The following DISP1 variants were observed in gnomAD, a reference collection of about 807,000 sequenced individuals.
The protein encoded by DISP1 is dispatched RND transporter family member 1.
In DISP1, 30 loss-of-function variants were observed where a neutral mutation model predicts 37.3. The observed-to-expected ratio is 0.80, with a 90% confidence interval of 0.60 to 1.09. The LOEUF (loss-of-function observed/expected upper bound fraction) is 1.09, where lower values mean the gene tolerates loss of function less well. Among genes scored for constraint, DISP1 ranks in the 50% least tolerant of loss-of-function variants. The probability of loss-of-function intolerance (pLI) is 0.00; values close to 1 mark genes in which losing one functional copy is unlikely to be tolerated. For synonymous variants in DISP1, 634 were observed against 690.2 expected (o/e 0.92, Z 1.28); for missense variants, 1,598 against 1,879.5 (o/e 0.85, Z 2.77).
At chr1:222,954,088 A>T (rs888553579) in intron 3 of DISP1, among the ~76,000 whole-genome samples, 3 of 141,616 alleles carry the variant, frequency 2.1e-5, no homozygotes, top group African/African-American at 8.4e-5. Context: ...CTTTTTGGTT[A>T]AAAAAAAAAT....
chr1:222,996,796 C>T (rs985369853), intron 8 of DISP1, among the ~76,000 whole-genome samples: 2 of 152,128 alleles, frequency 1.3e-5, no homozygotes, highest in African/African-American at 4.8e-5. Context: ...CTGCTTTATG[C>T]TTCTAGTGAG....
At chr1:222,956,006 G>T (rs1261565250) in intron 3 of DISP1, among the ~76,000 whole-genome samples, 1 of 152,212 alleles carries the variant, frequency 6.6e-6, no homozygotes, top group South Asian at 2.1e-4. Context: ...CAAGCCTAAT[G>T]CTTTCTACAG....
chr1:222,859,025 T>C (rs560770584), intron 1 of DISP1, among the ~76,000 whole-genome samples: 1 of 152,342 alleles, frequency 6.6e-6, no homozygotes, highest in East Asian at 1.9e-4. Context: ...CAAAGTTACA[T>C]GCACACATAT....
At chr1:222,927,064 T>A (rs936219686) in intron 1 of DISP1, among the ~76,000 whole-genome samples, 1 of 151,996 alleles carries the variant, frequency 6.6e-6, no homozygotes, top group Non-Finnish European at 1.5e-5. Flanking sequence ...AGTTGCTGGG[T>A]CATATGGTAG....
chr1:222,970,825 A>G (rs1676885933), intron 3 of DISP1, among the ~76,000 whole-genome samples: 1 of 151,836 alleles, frequency 6.6e-6, no homozygotes, highest in Admixed American at 6.6e-5. Context: ...ACTGGCATGT[A>G]TAATAGATTC....
At chr1:222,932,654 T>C (rs896742500) in intron 2 of DISP1, among the ~76,000 whole-genome samples, 1 of 152,018 alleles carries the variant, frequency 6.6e-6, no homozygotes, top group Non-Finnish European at 1.5e-5. Context: ...TTTAAACTCA[T>C]CTGAAAGAGG....
Position 223,002,897 on chromosome 1 carries a change from T to G in DISP1, c.1500T>G (p.Leu500=). The change falls in exon 9 of 9, where the codon CTT becomes CTG. Residue 500 remains leucine (L), a synonymous_variant. Transcript: ENST00000675850. ...AACACAGTTTGTTTCAGGATTATCTTCTAATGGATACTGTGTATCCTGCCA... is the reference window on the plus strand; with the variant it reads ...AACACAGTTTGTTTCAGGATTATCTGCTAATGGATACTGTGTATCCTGCCA... ...GIKHSLFQDY[L]LMDTVYPAIA... is the part of the protein sequence containing the mutation. The G allele has an allele frequency of 1.9e-6, 3 of 1,614,022 alleles. No individual in the cohort carries two copies. Among genetic ancestry groups the G allele is most frequent in the Non-Finnish European group, 2.5e-6 (3 of 1,180,050 alleles).
intron 4 of DISP1, among the ~76,000 whole-genome samples, chr1:222,985,218 C>T (rs994330754): frequency 7.2e-5 from 11 of 152,150 alleles, no homozygotes; most frequent in African/African-American, 2.4e-4. Context: ...AAACAGAGTT[C>T]TAATTTCTTT....
chr1:222,888,866 G>A (rs1192341039), intron 1 of DISP1, among the ~76,000 whole-genome samples: 2 of 151,808 alleles, frequency 1.3e-5, no homozygotes, highest in Non-Finnish European at 2.9e-5. Context: ...AGATTTCTTA[G>A]TTTATTCAGT....
intron 1 of DISP1, among the ~76,000 whole-genome samples, chr1:222,902,097 CA>C (rs34803530): frequency 0.24 from 36,004 of 151,230 alleles, 4,158 homozygotes; most frequent in South Asian, 0.33. Context: ...TTGATCTTTT[CA>C]AAAAACCAGC....
chr1:222,886,250 A>G (rs989249718), intron 1 of DISP1, among the ~76,000 whole-genome samples: 14 of 152,246 alleles, frequency 9.2e-5, no homozygotes, highest in African/African-American at 2.9e-4. Flanking sequence ...GAGTGTTGAC[A>G]GAATGGTAGA....
At chr1:222,898,618 AC>A in intron 1 of DISP1, among the ~76,000 whole-genome samples, 1 of 151,738 alleles carries the variant, frequency 6.6e-6, no homozygotes, top group Non-Finnish European at 1.5e-5. Context: ...TACTTGGGTA[AC>A]TGTGTTATGC....
chr1:222,966,830 G>C (rs1558057317), intron 3 of DISP1, among the ~76,000 whole-genome samples: 1 of 152,056 alleles, frequency 6.6e-6, no homozygotes, highest in South Asian at 2.1e-4. Flanking sequence ...AATCAGAATG[G>C]TTTAAAAGAA....
At chr1:222,872,632 A>G (rs1669658341) in intron 1 of DISP1, among the ~76,000 whole-genome samples, 3 of 151,922 alleles carry the variant, frequency 2.0e-5, no homozygotes, top group Admixed American at 2.0e-4. Context: ...CCCCTTTGTC[A>G]TTTTTTATTG....
chr1:222,905,690 T>C (rs61840865), intron 1 of DISP1, among the ~76,000 whole-genome samples: 18,007 of 152,210 alleles, frequency 0.12, 1,160 homozygotes, highest in African/African-American at 0.14. Context: ...AATAAAATTA[T>C]AAAATTGACT....
chr1:222,993,926 G>A (rs1678876730), intron 7 of DISP1, among the ~76,000 whole-genome samples: 1 of 152,070 alleles, frequency 6.6e-6, no homozygotes, highest in Admixed American at 6.5e-5. Flanking sequence ...AAAACTTCAT[G>A]ATCATAAATA....
chr1:222,962,242 C>G (rs1314376949), intron 3 of DISP1, among the ~76,000 whole-genome samples: 1 of 152,112 alleles, frequency 6.6e-6, no homozygotes, highest in Non-Finnish European at 1.5e-5. Flanking sequence ...GGAAGGACCT[C>G]TTGAAGGAGA....
intron 3 of DISP1, among the ~76,000 whole-genome samples, chr1:222,962,012 G>GAAA (rs147361599): frequency 0.094 from 13,946 of 149,084 alleles, 1,562 homozygotes; most frequent in African/African-American, 0.27. Context: ...CTCAAAAAAA[G>GAAA]AAAAAAAAAG....
intron 3 of DISP1, among the ~76,000 whole-genome samples, chr1:222,954,083 TG>T (rs937998985): frequency 2.0e-5 from 3 of 151,524 alleles, no homozygotes; most frequent in African/African-American, 7.3e-5. Context: ...TTTTTCTTTT[TG>T]GTTAAAAAAA....
Sources: gnomAD v4.1 joint callset for allele counts (sites outside exome capture counted in the v4.1 genomes callset) on GRCh38, gnomAD v4.1.1 for gene constraint, MANE v1.5 for transcripts, NCBI Gene and HGNC (gene_info 2026-07-23, HGNC 2026-07-21) for gene names.